The following SLC7A1 variants were observed in gnomAD, a reference collection of about 807,000 sequenced individuals.
SLC7A1 encodes high affinity cationic amino acid transporter 1.
In SLC7A1, 10 loss-of-function variants were observed where a neutral mutation model predicts 53.9. The ratio of observed to expected loss-of-function variants is 0.19; its 90% CI spans 0.11 to 0.31. SLC7A1 has a LOEUF of 0.31. Among genes scored for constraint, SLC7A1 ranks in the 10% least tolerant of loss-of-function variants. The pLI is 1.00. For synonymous variants in SLC7A1, 342 were observed against 338.7 expected, an observed-to-expected ratio of 1.01 and a Z score of -0.11; for missense variants, 525 against 827.2, an observed-to-expected ratio of 0.63 and a Z score of 4.48.
intron 4 of SLC7A1, 138 bp downstream of exon 4, chr13:29,532,686 C>T: frequency 7.3e-6 from 5 of 685,778 alleles, no homozygotes; most frequent in Non-Finnish European, 1.2e-5. Flanking sequence ...AAGATGCCTG[C>T]ATGCAGTACA....
At chr13:29,550,411 C>T (rs367648368) in intron 2 of SLC7A1, among the ~76,000 whole-genome samples, 12 of 152,356 alleles carry the variant, frequency 7.9e-5, no homozygotes, top group African/African-American at 2.9e-4. Flanking sequence ...ATGGAAATCA[C>T]TTTTCAACTC....
intron 12 of SLC7A1, 36 bp downstream of exon 12, chr13:29,516,102 C>T (rs757319291): frequency 2.2e-6 from 3 of 1,367,316 alleles, no homozygotes; most frequent in Non-Finnish European, 3.1e-6. Context: ...CAGGGGAAGC[C>T]AGGATCTTGG....
intron 2 of SLC7A1, among the ~76,000 whole-genome samples, chr13:29,547,409 T>G (rs973042754): frequency 2.0e-5 from 3 of 152,100 alleles, no homozygotes; most frequent in Non-Finnish European, 2.9e-5. Flanking sequence ...AGGATACAGA[T>G]AGCAGAGGCC....
In SLC7A1 at chr13:29,523,263, C is replaced by T; in HGVS notation, c.1049+3G>A. 1 of 1,612,406 alleles carries T rather than the reference C, an allele frequency of 6.2e-7. No homozygotes were observed. The highest frequency in any genetic ancestry group is 1.1e-5 in the South Asian group (1 of 91,046). On this transcript the variant is annotated splice_donor_region_variant and intron_variant, in intron 7 of 12. Coordinates refer to ENST00000380752, the MANE Select transcript of SLC7A1 (RefSeq NM_003045.5). ...GAGCAGCCACCACAGAAAGGCCTCT[C>T]ACCTGGCGGAAAGAGCGCAGAGGGA...
intron 2 of SLC7A1, among the ~76,000 whole-genome samples, chr13:29,543,442 G>C (rs1869757730): frequency 1.3e-5 from 2 of 152,088 alleles, no homozygotes; most frequent in African/African-American, 2.4e-5. Context: ...AGGCCTCCCT[G>C]ACTTCACAAT....
At chr13:29,556,761 G>GA (rs1870457700) in intron 1 of SLC7A1, among the ~76,000 whole-genome samples, 2 of 152,210 alleles carry the variant, frequency 1.3e-5, no homozygotes, top group Non-Finnish European at 2.9e-5. Flanking sequence ...TACTCTTTAA[G>GA]GGTGTCAGAG....
intron 1 of SLC7A1, among the ~76,000 whole-genome samples, chr13:29,579,063 T>C (rs938975609): frequency 6.6e-6 from 1 of 152,232 alleles, no homozygotes; most frequent in African/African-American, 2.4e-5. Context: ...TCTAGATATC[T>C]CAACACAGAG....
chr13:29,594,698 GGCCACACT>G, intron 1 of SLC7A1, among the ~76,000 whole-genome samples: 1 of 152,220 alleles, frequency 6.6e-6, no homozygotes, highest in Non-Finnish European at 1.5e-5. Flanking sequence ...GGCCTTTCCA[GGCCACACT>G]GGGTCACAAG....
intron 5 of SLC7A1, among the ~76,000 whole-genome samples, chr13:29,527,286 AGAAAG>A (rs1270721569): frequency 1.3e-5 from 2 of 152,228 alleles, no homozygotes; most frequent in Non-Finnish European, 2.9e-5. Context: ...AGGTGGATGA[AGAAAG>A]GAACGCATTG....
At chr13:29,535,423 T>C (rs1017588598) in intron 3 of SLC7A1, among the ~76,000 whole-genome samples, 1 of 152,226 alleles carries the variant, frequency 6.6e-6, no homozygotes, top group Non-Finnish European at 1.5e-5. Flanking sequence ...GACAGTAAAC[T>C]TCTGAACACA....
At chr13:29,532,776 C>A (rs1239167745) in intron 4 of SLC7A1, 48 bp downstream of exon 4, 2 of 1,528,834 alleles carry the variant, frequency 1.3e-6, no homozygotes, top group African/African-American at 1.4e-5. Context: ...TCTCACCAAA[C>A]CTTTGCCCAT....
At chr13:29,524,914 C>A (rs1868813487) in intron 5 of SLC7A1, among the ~76,000 whole-genome samples, 1 of 152,202 alleles carries the variant, frequency 6.6e-6, no homozygotes, top group Non-Finnish European at 1.5e-5. Flanking sequence ...CCAGAAGAAG[C>A]AGGCTGCTTA....
At chr13:29,581,838 C>A (rs1871660220) in intron 1 of SLC7A1, among the ~76,000 whole-genome samples, 1 of 152,196 alleles carries the variant, frequency 6.6e-6, no homozygotes, top group Non-Finnish European at 1.5e-5. Context: ...ATTTCACCAC[C>A]CCCAGCCTTC....
intron 1 of SLC7A1, among the ~76,000 whole-genome samples, chr13:29,569,211 G>A (rs1213356090): frequency 6.6e-6 from 1 of 152,100 alleles, no homozygotes; most frequent in Non-Finnish European, 1.5e-5. Context: ...GGCACTGGCA[G>A]GGAGGAGTGA....
intron 1 of SLC7A1, among the ~76,000 whole-genome samples, chr13:29,562,800 G>C (rs1271057462): frequency 6.6e-6 from 1 of 152,112 alleles, no homozygotes; most frequent in African/African-American, 2.4e-5. Flanking sequence ...TAATATTTGT[G>C]GTTCTATAAT....
intron 1 of SLC7A1, among the ~76,000 whole-genome samples, chr13:29,574,731 G>A (rs1315312722): frequency 1.4e-5 from 2 of 141,148 alleles, no homozygotes; most frequent in African/African-American, 2.7e-5. Context: ...TGCAAGCTCC[G>A]CCTCCTGGGT....
intron 1 of SLC7A1, among the ~76,000 whole-genome samples, chr13:29,587,963 T>A (rs1336177662): frequency 6.6e-6 from 1 of 152,262 alleles, no homozygotes; most frequent in Non-Finnish European, 1.5e-5. Flanking sequence ...TTCTGGTCGA[T>A]CACTCAGCCT....
In SLC7A1 at chr13:29,517,647, G is replaced by A; in HGVS notation, c.1436C>T (p.Thr479Ile). Reference sequence around the variant, plus strand: ...CTCCATGTTTTTGGGTGAGAGTATGGTTTTCAAAGAGAACATCTCTGCCTC... The same window carrying A: ...CTCCATGTTTTTGGGTGAGAGTATGATTTTCAAAGAGAACATCTCTGCCTC... Reference protein sequence around the residue: ...LPEAEMFSLKTILSPKNMEPS... With the variant: ...LPEAEMFSLKIILSPKNMEPS... The change falls in exon 10 of 13, where the codon ACC (threonine) becomes ATC (isoleucine). Residue 479 changes from threonine (T) to isoleucine (I), a missense_variant. Transcript: ENST00000380752. The A allele has an allele frequency of 6.2e-7, 1 of 1,614,188 alleles. No individual in the cohort carries two copies. Among genetic ancestry groups the A allele is most frequent in the Non-Finnish European group, 8.5e-7 (1 of 1,180,008 alleles).
intron 2 of SLC7A1, among the ~76,000 whole-genome samples, chr13:29,545,964 G>A (rs922087538): frequency 1.3e-5 from 2 of 152,196 alleles, no homozygotes; most frequent in East Asian, 1.9e-4. Context: ...TCGGGAGGGC[G>A]GTGCTTCATC....
Sources: gnomAD v4.1 joint callset for allele counts (sites outside exome capture counted in the v4.1 genomes callset) on GRCh38, gnomAD v4.1.1 for gene constraint, MANE v1.5 for transcripts, NCBI Gene and HGNC (gene_info 2026-07-23, HGNC 2026-07-21) for gene names.